The following PDE10A variants were observed in gnomAD, a reference collection of about 807,000 sequenced individuals.
PDE10A encodes phosphodiesterase 10A.
A neutral mutation model predicts 97.7 loss-of-function variants in PDE10A; 39 were observed. The ratio of observed to expected loss-of-function variants is 0.40; its 90% confidence interval spans 0.31 to 0.52. PDE10A has a LOEUF of 0.52. Ranked by LOEUF, PDE10A falls within the 20% of genes least tolerant of loss-of-function variation. The pLI, the probability that PDE10A is intolerant of heterozygous loss-of-function variation, is 0.56. For synonymous variants in PDE10A, 371 were observed against 376.8 expected (o/e 0.98, Z 0.18); for missense variants, 731 against 1,047.8 (o/e 0.70, Z 4.17).
chr6:165,372,584 C>T (rs1266885853), intron 18 of PDE10A, among the ~76,000 whole-genome samples: 1 of 150,886 alleles, frequency 6.6e-6, no homozygotes, highest in African/African-American at 2.5e-5. Flanking sequence ...AAAGAGGATA[C>T]ACACAAATGG....
chr6:165,841,148 C>T (rs531109274), intron 1 of PDE10A, among the ~76,000 whole-genome samples: 1 of 152,334 alleles, frequency 6.6e-6, no homozygotes, highest in South Asian at 2.1e-4. Context: ...TTTTGACTTT[C>T]AATCTACTTT....
At chr6:165,498,872 ACTTCT>A (rs1780706273) in intron 2 of PDE10A, among the ~76,000 whole-genome samples, 2 of 152,264 alleles carry the variant, frequency 1.3e-5, no homozygotes, top group East Asian at 1.9e-4. Flanking sequence ...ACATCTTAGA[ACTTCT>A]CTTCTAAAAC....
intron 2 of PDE10A, among the ~76,000 whole-genome samples, chr6:165,485,936 C>G (rs1035122536): frequency 6.6e-6 from 1 of 152,210 alleles, no homozygotes; most frequent in Non-Finnish European, 1.5e-5. Flanking sequence ...CTGAAGCTAA[C>G]AGGCCCTTTA....
At chr6:165,773,754 AAG>A (rs1778083414) in intron 1 of PDE10A, among the ~76,000 whole-genome samples, 2 of 152,300 alleles carry the variant, frequency 1.3e-5, no homozygotes, top group South Asian at 4.1e-4. Flanking sequence ...CCACTGATGA[AAG>A]GGGAAAAAAA....
At chr6:165,973,546 T>C (rs984489158) in intron 1 of PDE10A, among the ~76,000 whole-genome samples, 2 of 148,696 alleles carry the variant, frequency 1.3e-5, no homozygotes, top group African/African-American at 2.5e-5. Flanking sequence ...TGTATTACAT[T>C]AACAAAAGCT....
intron 1 of PDE10A, among the ~76,000 whole-genome samples, chr6:165,670,039 G>A (rs1197175963): frequency 6.6e-6 from 1 of 152,230 alleles, no homozygotes; most frequent in Non-Finnish European, 1.5e-5. Context: ...AGGGACACCT[G>A]GAAGGTTGCA....
At position 165,619,505 on chromosome 6, in the gene PDE10A, T is replaced by TAGTGTAGTCC. The variant is rs1787991038; in HGVS notation, c.865+42441_865+42442insGGACTACACT. ...TAGTGTAGTCTAGTGTAGTCTAGTG[T>TAGTGTAGTCC]AGTGTAGTCTAGTGTAGTGTAGTGT... On this transcript the variant is annotated intron_variant, in intron 1 of 21. Transcript: ENST00000539869. Among the ~76,000 whole-genome samples, 15 of 78,584 alleles carry TAGTGTAGTCC rather than the reference T, an allele frequency of 1.9e-4. 1 individual carries two copies. The highest frequency in any genetic ancestry group is 7.6e-4 in the African/African-American group (15 of 19,796). 51.6% of individuals were successfully genotyped at this position (78,584 alleles called of 152,430 possible).
intron 1 of PDE10A, among the ~76,000 whole-genome samples, chr6:165,794,622 T>G (rs1778780610): frequency 6.6e-6 from 1 of 151,776 alleles, no homozygotes; most frequent in South Asian, 2.1e-4. Context: ...CACATACACA[T>G]GTATCTCACA....
chr6:165,518,947 G>A (rs962832803), intron 2 of PDE10A, among the ~76,000 whole-genome samples: 1 of 152,112 alleles, frequency 6.6e-6, no homozygotes, highest in Non-Finnish European at 1.5e-5. Flanking sequence ...CATCCACTGG[G>A]GTTCATGAAA....
At chr6:165,503,724 T>C (rs1399891231) in intron 2 of PDE10A, among the ~76,000 whole-genome samples, 1 of 152,086 alleles carries the variant, frequency 6.6e-6, no homozygotes, top group Non-Finnish European at 1.5e-5. Flanking sequence ...CTCTGGAAAA[T>C]AGTTTGGCGT....
intron 1 of PDE10A, among the ~76,000 whole-genome samples, chr6:165,866,128 T>C (rs1334284654): frequency 6.6e-6 from 1 of 151,944 alleles, no homozygotes; most frequent in Non-Finnish European, 1.5e-5. Flanking sequence ...AATTAAGAGA[T>C]ATAGACTGGC....
chr6:165,442,206 A>G (rs1041936044), intron 5 of PDE10A, among the ~76,000 whole-genome samples: 4 of 152,130 alleles, frequency 2.6e-5, no homozygotes, highest in Non-Finnish European at 5.9e-5. Flanking sequence ...GGTTAGTTAC[A>G]TATGTATACA....
At chr6:165,720,640 A>G (rs1048114887) in intron 1 of PDE10A, among the ~76,000 whole-genome samples, 15 of 152,196 alleles carry the variant, frequency 9.9e-5, no homozygotes, top group Non-Finnish European at 1.6e-4. Flanking sequence ...ATTAGCACCC[A>G]TCGATCTACC....
intron 1 of PDE10A, among the ~76,000 whole-genome samples, chr6:165,913,307 CACAG>C (rs1265925231): frequency 2.1e-5 from 3 of 144,276 alleles, no homozygotes; most frequent in African/African-American, 7.7e-5. Context: ...CACACACACA[CACAG>C]AGTCATCCCT....
At chr6:165,377,734 TA>T (rs200626661) in intron 18 of PDE10A, among the ~76,000 whole-genome samples, 12 of 151,142 alleles carry the variant, frequency 7.9e-5, no homozygotes, top group South Asian at 4.2e-4. Flanking sequence ...CTGATTGCCA[TA>T]AAAAAAAACT....
rs1374197854 is a variant in PDE10A, at chr6:165,663,077, C to T, written c.-266G>A. Among the ~76,000 whole-genome samples the T allele has an allele frequency of 2.6e-5, 4 of 151,746 alleles. No homozygotes were observed. Among genetic ancestry groups the T allele is most frequent in the African/African-American group, 4.8e-5 (2 of 41,368 alleles). On this transcript the variant is annotated 5_prime_UTR_variant, in exon 1 of 22. Transcript: ENST00000539869. ...CAGGCGCGCACAATCGGCGTCCTCC[C>T]GGGCCGGGGCTAGGGACGGCGGAGA...
rs975477474 is a variant in PDE10A, at chr6:165,662,448, G to A, written c.364C>T (p.Pro122Ser). 6.7e-6 allele frequency: 1 copy of A among 150,006 alleles called. No individual in the cohort carries two copies. Among genetic ancestry groups the A allele is most frequent in the African/African-American group, 2.4e-5 (1 of 40,934 alleles). The allele number at this position is 150,006 out of a possible 1,614,324, so 9.3% of individuals were successfully genotyped here. A position where few individuals can be genotyped will look rare whatever the true frequency, so the allele number is the denominator to read the frequency against. ...SPSFFYFWPP[P>S]PPPPPSFLPS... is the part of the protein sequence containing the mutation. ...AGAAAAGAGGGAGGGGGCGGGGGGG[G>A]CGGCGGCCAGAAGTAAAAGAAAGAT... The change falls in exon 1 of 22, where the codon CCC (proline) becomes TCC (serine). Residue 122 changes from proline to serine, a missense_variant. Pro to Ser is a moderately conservative substitution (Grantham distance 74). Around this residue, in one of 8 missense-constraint regions of PDE10A, gnomAD observed 181 missense variants for 159.1 expected, o/e 1.14. Coordinates refer to ENST00000539869, the MANE Select transcript of PDE10A (RefSeq NM_001385079.1).
At chr6:165,790,873 G>A (rs1300485218) in intron 1 of PDE10A, among the ~76,000 whole-genome samples, 4 of 152,104 alleles carry the variant, frequency 2.6e-5, no homozygotes, top group South Asian at 2.1e-4. Flanking sequence ...CTTAATGTGT[G>A]ATCTACCCTC....
At position 165,817,841 on chromosome 6, in the gene PDE10A, A is replaced by G. The variant is rs553648279; in HGVS notation, c.-615+169688T>C. 2.1e-3 allele frequency among the ~76,000 whole-genome samples: 313 copies of G among 152,364 alleles called. 6 individuals are homozygous for G. Among genetic ancestry groups the G allele is most frequent in the Non-Finnish European group, 3.1e-3 (214 of 68,030 alleles). On this transcript the variant is annotated intron_variant, in intron 1 of 19. Coordinates refer to the PDE10A transcript ENST00000366882. ...GTTTATCTCACAGGGATTTGGTGGC[A>G]AACAAGGTCCTACGCATCCAATTCT... is the stretch of plus-strand genomic sequence containing the variant.
Sources: gnomAD v4.1 joint callset for allele counts (sites outside exome capture counted in the v4.1 genomes callset) on GRCh38, gnomAD v4.1.1 for gene constraint, gnomAD v4.1.1 regional missense constraint, MANE v1.5 for transcripts, NCBI Gene and HGNC (gene_info 2026-07-23, HGNC 2026-07-21) for gene names.